The following COL6A6 variants were observed in gnomAD, a reference collection of about 807,000 sequenced individuals.
COL6A6 encodes collagen alpha-6(VI) chain.
Under a neutral mutation model 208.6 loss-of-function variants are expected in COL6A6, and 183 were observed. The observed-to-expected ratio is 0.88, with a 90% CI of 0.78 to 0.99. The LOEUF (loss-of-function observed/expected upper bound fraction) is 0.99. Among genes scored for constraint, COL6A6 ranks in the 50% least tolerant of loss-of-function variants. The probability of loss-of-function intolerance (pLI) is 0.00; values close to 1 mark genes in which losing one functional copy is unlikely to be tolerated. For synonymous variants in COL6A6, 973 were observed against 1,011.8 expected, an observed-to-expected ratio of 0.96 and a Z score of 0.73; for missense variants, 2,816 against 2,815.2, an observed-to-expected ratio of 1.00 and a Z score of -0.01.
In COL6A6 at chr3:130,649,335, T is replaced by G. The variant is rs754796595; in HGVS notation, c.5506T>G (p.Ser1836Ala). The G allele has an allele frequency of 1.9e-6, 3 of 1,609,924 alleles. No individual in the cohort carries two copies. The highest frequency in any genetic ancestry group is 3.4e-5 in the Admixed American group (2 of 59,452). ...AATTGAAACTATTCCTTATGAGAGA[T>G]CCTCTGCCAGCAGGGAGATTGGCAG... Reference protein sequence around the residue: ...REIETIPYERSSASREIGRAM... With the variant: ...REIETIPYERASASREIGRAM... Residue 1836 changes from serine (S) to alanine (A), a missense_variant, in exon 33 of 37, where the codon TCC becomes GCC. By Grantham distance (99) the Ser-to-Ala change is moderately conservative. Transcript: ENST00000358511.
chr3:130,599,691 A>T, intron 19 of COL6A6, 66 bp from the exon 20 acceptor site: 2 of 1,529,080 alleles, frequency 1.3e-6, no homozygotes, highest in Non-Finnish European at 1.8e-6. Flanking sequence ...GTAAAAGTTG[A>T]TGTTAAAGAG....
rs1297699912 is a variant in COL6A6 at position 130,590,295 on chromosome 3, ATATATTTTTTTTTTTTTTTTTTTTT to A, written c.4219-744_4219-720del. 1.4e-3 allele frequency among the ~76,000 whole-genome samples: 15 copies of A among 10,748 alleles called. No individual in the cohort carries two copies. In the East Asian group the frequency reaches 0.015, roughly 11 times the overall value. The allele number at this position is 10,748 out of a possible 152,430, so 7.1% of individuals were successfully genotyped here. A position where few individuals can be genotyped will look rare whatever the true frequency, so the allele number is the denominator to read the frequency against. ...TATATATATATATATATATATATAT[ATATATTTTTTTTTTTTTTTTTTTTT>A]TTTTTTTTTACTATAAGTTCTAGGG... is the stretch of plus-strand genomic sequence containing the variant. On this transcript the variant is annotated intron_variant, in intron 12 of 36. Transcript: ENST00000358511.
At chr3:130,575,939 T>C (rs2063285481) in intron 8 of COL6A6, among the ~76,000 whole-genome samples, 1 of 152,056 alleles carries the variant, frequency 6.6e-6, no homozygotes, top group African/African-American at 2.4e-5. Flanking sequence ...TTCCAGAGTG[T>C]CCCTTATGCC....
intron 15 of COL6A6, 54 bp from the exon 16 acceptor site, chr3:130,593,007 C>A: frequency 1.3e-6 from 2 of 1,513,048 alleles, no homozygotes; most frequent in South Asian, 1.2e-5. Context: ...TGGCATCTGA[C>A]TTCTTTACAC....
chr3:130,551,863 G>T (rs180735912), intron 1 of COL6A6, among the ~76,000 whole-genome samples: 145 of 151,946 alleles, frequency 9.5e-4, no homozygotes, highest in African/African-American at 3.1e-3. Context: ...TTATATCTTT[G>T]TTCTCATTAG....
chr3:130,625,540 TC>T (rs2064859360), intron 24 of COL6A6, among the ~76,000 whole-genome samples: 1 of 152,052 alleles, frequency 6.6e-6, no homozygotes, highest in Non-Finnish European at 1.5e-5. Context: ...GTAATGTTCC[TC>T]CCCCAAACCC....
Position 130,566,941 on chromosome 3 carries a change from C to A in COL6A6, c.1522C>A (p.Gln508Lys). Reference sequence around the variant, plus strand: ...GGGAAAGGCCATTGAGAATATCAGGCAGATGGGTGGGAATACAAACACAGG... The same window carrying A: ...GGGAAAGGCCATTGAGAATATCAGGAAGATGGGTGGGAATACAAACACAGG... ...DLGKAIENIRQMGGNTNTGAA... is the reference protein window; with the variant it reads ...DLGKAIENIRKMGGNTNTGAA... Residue 508 changes from glutamine (Q) to lysine (K), a missense_variant, in exon 5 of 37, where the codon CAG (glutamine) becomes AAG (lysine). Gln to Lys is a moderately conservative substitution (Grantham distance 53). Transcript: ENST00000358511. The A allele has an allele frequency of 6.2e-7, 1 of 1,613,918 alleles. No homozygotes were observed. Among genetic ancestry groups the A allele is most frequent in the Non-Finnish European group, 8.5e-7 (1 of 1,179,810 alleles).
chr3:130,596,944 A>G (rs951522706), intron 18 of COL6A6, among the ~76,000 whole-genome samples: 2 of 152,222 alleles, frequency 1.3e-5, no homozygotes, highest in Non-Finnish European at 2.9e-5. Flanking sequence ...GTGGAAGATA[A>G]TGCTTTTTTA....
At position 130,628,619 on chromosome 3, in the gene COL6A6, A is replaced by G. The variant is rs138151822; in HGVS notation, c.4992+1250A>G. 2.7e-3 allele frequency among the ~76,000 whole-genome samples: 407 copies of G among 152,308 alleles called. 1 individual carries two copies. Among genetic ancestry groups the G allele is most frequent in the African/African-American group, 9.4e-3 (390 of 41,564 alleles). ...CAGTAGGGATTATTATATCTCTTCA[A>G]TTATAGTCTTTGAACAAAGTAAGGT... On this transcript the variant is annotated intron_variant, in intron 26 of 36. Transcript: ENST00000358511.
At chr3:130,594,691 T>C (rs568874860) in intron 18 of COL6A6, among the ~76,000 whole-genome samples, 45 of 152,354 alleles carry the variant, frequency 3.0e-4, no homozygotes, top group African/African-American at 1.1e-3. Flanking sequence ...CTTTTTTTTC[T>C]GTTCTTGTGT....
chr3:130,635,525 T>C (rs1450665631), intron 27 of COL6A6, among the ~76,000 whole-genome samples, 174 bp from the exon 28 acceptor site: 6 of 152,216 alleles, frequency 3.9e-5, no homozygotes, highest in African/African-American at 1.2e-4. Context: ...TGACGCAGTG[T>C]GCTATGTAGA....
intron 24 of COL6A6, among the ~76,000 whole-genome samples, chr3:130,624,507 G>C (rs972847653): frequency 3.3e-5 from 5 of 152,150 alleles, no homozygotes; most frequent in African/African-American, 1.2e-4. Flanking sequence ...GCAATATATG[G>C]CATGTAATCG....
intron 8 of COL6A6, among the ~76,000 whole-genome samples, chr3:130,579,089 C>T (rs1205984021): frequency 6.6e-6 from 1 of 152,106 alleles, no homozygotes; most frequent in Non-Finnish European, 1.5e-5. Flanking sequence ...CTCTCCTATC[C>T]CAGCTAATAA....
chr3:130,566,625 GTTC>G (rs1208010737), intron 4 of COL6A6, 74 bp from the exon 5 acceptor site: 47 of 1,236,296 alleles, frequency 3.8e-5, no homozygotes, highest in Non-Finnish European at 5.1e-5. Context: ...GTTCATATTT[GTTC>G]TTCTTTCCAT....
Position 130,571,133 on chromosome 3 carries a change from G to T in COL6A6, c.2717G>T (p.Arg906Leu), listed in dbSNP as rs766832981. 7 of 1,613,784 alleles carry T rather than the reference G, an allele frequency of 4.3e-6. No homozygotes were observed. The highest frequency in any genetic ancestry group is 5.9e-6 in the Non-Finnish European group (7 of 1,179,754). ...ATGTTCACTGAAGCCCGGGGCAGCC[G>T]CCTGAACAAGGGGGTCCCCCAAGTC... ...DHMFTEARGS[R>L]LNKGVPQVLI... The change falls in exon 7 of 37, where the codon CGC (arginine) becomes CTC (leucine). Residue 906 changes from arginine to leucine, a missense_variant. Physicochemically the swap from Arg to Leu is moderately radical, Grantham distance 102 (BLOSUM62 -2). Coordinates refer to ENST00000358511, the MANE Select transcript of COL6A6 (RefSeq NM_001102608.3).
Position 130,661,670 on chromosome 3 carries a change from C to T in COL6A6, c.5864C>T (p.Ala1955Val). The T allele has an allele frequency of 6.2e-7, 1 of 1,613,506 alleles. No homozygotes were observed. The highest frequency in any genetic ancestry group is 2.2e-5 in the East Asian group (1 of 44,890). ...VCKPDASCDQARPPPVQSYMD... is the reference protein window; with the variant it reads ...VCKPDASCDQVRPPPVQSYMD... ...AAGCCAGATGCTTCTTGTGACCAAGCCAGACCACCCCCTGTGCAGTCTTAC... is the reference window on the plus strand; with the variant it reads ...AAGCCAGATGCTTCTTGTGACCAAGTCAGACCACCCCCTGTGCAGTCTTAC... The change falls in exon 35 of 37, where the codon GCC (alanine) becomes GTC (valine). Residue 1955 changes from alanine to valine, a missense_variant. Transcript: ENST00000358511.
chr3:130,652,021 C>A (rs2065659368), intron 33 of COL6A6, among the ~76,000 whole-genome samples: 2 of 152,154 alleles, frequency 1.3e-5, no homozygotes, highest in South Asian at 2.1e-4. Flanking sequence ...GGTTTAAATT[C>A]TTCATAATGA....
chr3:130,615,141 GT>G (rs1163480024), intron 23 of COL6A6, among the ~76,000 whole-genome samples: 3 of 151,994 alleles, frequency 2.0e-5, no homozygotes, highest in African/African-American at 7.2e-5. Flanking sequence ...TTGTATCTTT[GT>G]TCTTATTAGT....
At position 130,552,461 on chromosome 3, in the gene COL6A6, C is replaced by CT. The variant is rs937539844; in HGVS notation, c.-31-7866dup. On this transcript the variant is annotated intron_variant, in intron 1 of 36. Transcript: ENST00000358511. ...TCTAAAATTAGAATAGCAAGACCTC[C>CT]TTTTTTTCTCATTTCTGTTGGCTTG... Among the ~76,000 whole-genome samples the CT allele has an allele frequency of 5.9e-5, 9 of 152,208 alleles. No individual in the cohort carries two copies. In the South Asian group the frequency reaches 1.5e-3, roughly 25 times the overall value.
Sources: gnomAD v4.1 joint callset for allele counts (sites outside exome capture counted in the v4.1 genomes callset) on GRCh38, gnomAD v4.1.1 for gene constraint, MANE v1.5 for transcripts, NCBI Gene and HGNC (gene_info 2026-07-23, HGNC 2026-07-21) for gene names.